Variants in MYOM1 observed in about 807,000 individuals in gnomAD.
MYOM1 encodes the protein myomesin-1.
MYOM1 carries 164 observed loss-of-function variants against 205.3 expected under a neutral mutation model. That is an observed-to-expected ratio of 0.80 (90% CI 0.70 to 0.91). The LOEUF (loss-of-function observed/expected upper bound fraction) is 0.91. Among genes scored for constraint, MYOM1 ranks in the 40% least tolerant of loss-of-function variants. The pLI, the probability that MYOM1 is intolerant of heterozygous loss-of-function variation, is 0.00. For synonymous variants in MYOM1, 772 were observed against 789.4 expected (o/e 0.98, Z 0.37); for missense variants, 2,011 against 2,127.3 (o/e 0.95, Z 1.08).
intron 11 of MYOM1, among the ~76,000 whole-genome samples, chr18:3,153,754 C>A (rs568804477): frequency 6.6e-6 from 1 of 152,246 alleles, no homozygotes; most frequent in South Asian, 2.1e-4. Flanking sequence ...TTCAACACAC[C>A]CTTGGTGCAA....
chr18:3,137,975 CTCTT>C (rs1451542360), intron 14 of MYOM1, among the ~76,000 whole-genome samples: 1 of 152,094 alleles, frequency 6.6e-6, no homozygotes, highest in African/African-American at 2.4e-5. Context: ...AAAAGATGTT[CTCTT>C]TTTTTGCCCA....
chr18:3,215,358 G>A, intron 1 of MYOM1, 107 bp from the exon 2 acceptor site: 1 of 911,166 alleles, frequency 1.1e-6, no homozygotes, highest in Non-Finnish European at 1.6e-6. Flanking sequence ...GGGTGCGGTG[G>A]TTCATGCTTG....
At chr18:3,198,976 A>G (rs372768414) in intron 2 of MYOM1, among the ~76,000 whole-genome samples, 1 of 152,138 alleles carries the variant, frequency 6.6e-6, no homozygotes, top group African/African-American at 2.4e-5. Context: ...TATATAACAC[A>G]TTGTCAAAAA....
At chr18:3,151,403 A>C (rs2080218885) in intron 12 of MYOM1, among the ~76,000 whole-genome samples, 1 of 151,462 alleles carries the variant, frequency 6.6e-6, no homozygotes, top group Non-Finnish European at 1.5e-5. Flanking sequence ...AATGCCTGGA[A>C]CTCAGTTTAA....
Position 3,187,480 on chromosome 18 carries a change from C to G in MYOM1, c.929G>C (p.Trp310Ser). 6.2e-7 allele frequency: 1 copy of G among 1,612,264 alleles called. No individual in the cohort carries two copies. The highest frequency in any genetic ancestry group is 8.5e-7 in the Non-Finnish European group (1 of 1,178,748). ...IAGWPEPRVTWYKNQVPINVH... is the reference protein window; with the variant it reads ...IAGWPEPRVTSYKNQVPINVH... Reference sequence around the variant, plus strand: ...GTTAGCTTTCATAAAGATAACATACCACGTGACACGAGGTTCTGGCCAGCC... The same window carrying G: ...GTTAGCTTTCATAAAGATAACATACGACGTGACACGAGGTTCTGGCCAGCC... Residue 310 changes from tryptophan (W) to serine (S), a missense_variant and splice_region_variant, in exon 5 of 38, where the codon TGG (tryptophan) becomes TCG (serine). Coordinates refer to ENST00000356443, the MANE Select transcript of MYOM1 (RefSeq NM_003803.4).
chr18:3,106,747 T>C (rs1269259243), intron 22 of MYOM1, among the ~76,000 whole-genome samples: 1 of 152,250 alleles, frequency 6.6e-6, no homozygotes, highest in East Asian at 1.9e-4. Context: ...CACTTGAGCC[T>C]GGGAGATGGA....
intron 9 of MYOM1, among the ~76,000 whole-genome samples, chr18:3,166,692 T>C (rs1244458940): frequency 1.3e-5 from 2 of 152,166 alleles, no homozygotes; most frequent in Non-Finnish European, 2.9e-5. Context: ...GAATAATAAA[T>C]AGTCATACAA....
rs769564782 is a variant in MYOM1, at chr18:3,079,205, T to C, written c.4622A>G (p.Gln1541Arg). 8 of 1,613,948 alleles carry C rather than the reference T, an allele frequency of 5.0e-6. No homozygotes were observed. The highest frequency in any genetic ancestry group is 5.9e-6 in the Non-Finnish European group (7 of 1,179,880). The change falls in exon 34 of 38, where the codon CAG (glutamine) becomes CGG (arginine). Residue 1541 changes from glutamine (Q) to arginine (R), a missense_variant. By Grantham distance (43) the Gln-to-Arg change is conservative. Transcript: ENST00000356443. ...TTGTCCAGAGAGATCCACTGTCTTC[T>C]GATGTCCAGTTTTGCCATCAAAGAG... The part of the protein sequence containing the change: ...MELFDGKTGH[Q>R]KTVDLSGQAY...
chr18:3,120,083 C>T, intron 19 of MYOM1, 88 bp from the exon 20 acceptor site: 1 of 1,478,990 alleles, frequency 6.8e-7, no homozygotes, highest in South Asian at 1.4e-5. Flanking sequence ...ATTTACCTTC[C>T]ATGTCAGACA....
intron 17 of MYOM1, 72 bp downstream of exon 17, chr18:3,131,303 G>A (rs2079871672): frequency 2.0e-6 from 3 of 1,524,402 alleles, no homozygotes; most frequent in Admixed American, 1.8e-5. Flanking sequence ...AATTTCTGGA[G>A]AGGATGGTAT....
chr18:3,116,342 C>T lies in MYOM1; in HGVS notation c.3292G>A (p.Val1098Ile), dbSNP rs747313165. ...RGLNEAAIKNVYLKVRGLKEG... is the reference protein window; with the variant it reads ...RGLNEAAIKNIYLKVRGLKEG... Reference sequence around the variant, plus strand: ...GAGCAGCCTCTTACCTTCAGGTATACGTTTTTAATAGCCGCCTCATTGAGC... The same window carrying T: ...GAGCAGCCTCTTACCTTCAGGTATATGTTTTTAATAGCCGCCTCATTGAGC... Residue 1098 changes from valine to isoleucine, a missense_variant, in exon 21 of 38, where the codon GTA (valine) becomes ATA (isoleucine). By Grantham distance (29) the Val-to-Ile change is conservative (BLOSUM62 3). Transcript: ENST00000356443. The T allele has an allele frequency of 9.9e-6, 16 of 1,611,062 alleles. No homozygotes were observed. Among genetic ancestry groups the T allele is most frequent in the African/African-American group, 4.0e-5 (3 of 74,828 alleles).
At chr18:3,184,692 A>T (rs1012522891) in intron 5 of MYOM1, among the ~76,000 whole-genome samples, 7 of 152,198 alleles carry the variant, frequency 4.6e-5, no homozygotes, top group Non-Finnish European at 1.0e-4. Flanking sequence ...TTAGCTTGCA[A>T]GGCAAGGAGA....
chr18:3,149,316 A>G, intron 12 of MYOM1, 115 bp from the exon 13 acceptor site: 1 of 776,090 alleles, frequency 1.3e-6, no homozygotes, highest in Non-Finnish European at 2.1e-6. Context: ...TTACTAATAG[A>G]CTTATGTGTT....
intron 14 of MYOM1, among the ~76,000 whole-genome samples, chr18:3,136,769 C>T (rs1271288391): frequency 6.6e-6 from 1 of 152,126 alleles, no homozygotes; most frequent in Non-Finnish European, 1.5e-5. Context: ...CTCTCTGTTT[C>T]TTAGCCTGCT....
chr18:3,156,751 C>T (rs1440338891), intron 10 of MYOM1, among the ~76,000 whole-genome samples: 2 of 152,040 alleles, frequency 1.3e-5, no homozygotes, highest in African/African-American at 2.4e-5. Flanking sequence ...GGACTACAGG[C>T]GTGCACCACC....
At chr18:3,236,802 G>A in the MYOM1 span, among the ~76,000 whole-genome samples, 1 of 152,226 alleles carries the variant, frequency 6.6e-6, no homozygotes, top group South Asian at 2.1e-4. Context: ...TCAAAAGGAC[G>A]GCTGACAGAA....
At chr18:3,185,610 A>G (rs1325355673) in intron 5 of MYOM1, among the ~76,000 whole-genome samples, 2 of 152,170 alleles carry the variant, frequency 1.3e-5, no homozygotes, top group Non-Finnish European at 2.9e-5. Context: ...GTGCAACTCT[A>G]TAGTCACAGA....
At chr18:3,070,254 T>A (rs772057992) in intron 37 of MYOM1, among the ~76,000 whole-genome samples, 38 of 152,196 alleles carry the variant, frequency 2.5e-4, no homozygotes, top group Admixed American at 4.6e-4. Flanking sequence ...GCTCAGGCGA[T>A]CCTCCCATCT....
chr18:3,160,399 T>C (rs2080373873), intron 10 of MYOM1, among the ~76,000 whole-genome samples: 1 of 152,166 alleles, frequency 6.6e-6, no homozygotes, highest in African/African-American at 2.4e-5. Context: ...TGGCCCAGGC[T>C]GGTCTCACAC....
Sources: allele counts gnomAD v4.1 joint callset (sites outside exome capture counted in the v4.1 genomes callset), GRCh38; gene constraint gnomAD v4.1.1; transcripts MANE v1.5; gene names NCBI Gene and HGNC (gene_info 2026-07-23, HGNC 2026-07-21).